The following SUPV3L1 variants were observed in gnomAD, a reference collection of about 807,000 sequenced individuals.
SUPV3L1 encodes Suv3 like RNA helicase.
A neutral mutation model predicts 70.0 loss-of-function variants in SUPV3L1; 35 were observed. The ratio of observed to expected loss-of-function variants is 0.50; its 90% CI spans 0.38 to 0.66. The LOEUF (loss-of-function observed/expected upper bound fraction) is 0.66, where lower values mean the gene tolerates loss of function less well. Ranked by LOEUF, SUPV3L1 falls within the 30% of genes least tolerant of loss-of-function variation. SUPV3L1 has a pLI of 0.00. For missense variants in SUPV3L1, 777 were observed against 961.5 expected, an observed-to-expected ratio of 0.81 and a Z score of 2.54; for synonymous variants, 364 against 341.9, an observed-to-expected ratio of 1.06 and a Z score of -0.71.
In SUPV3L1 at chr10:69,184,267, G is replaced by A. The variant is rs188830712; in HGVS notation, c.272-1720G>A. Among the ~76,000 whole-genome samples the A allele has an allele frequency of 3.5e-3, 529 of 152,158 alleles. 3 individuals are homozygous for A. The highest frequency in any genetic ancestry group is 0.012 in the African/African-American group (510 of 41,524). On this transcript the variant is annotated intron_variant, in intron 1 of 14. Coordinates refer to ENST00000359655, the MANE Select transcript of SUPV3L1 (RefSeq NM_003171.5). Reference sequence around the variant, plus strand: ...CTGTTGGCCAGGTGCAGTGGCTCACGCCTGTAATCCCAGCACTTTGGGAGG... The same window carrying A: ...CTGTTGGCCAGGTGCAGTGGCTCACACCTGTAATCCCAGCACTTTGGGAGG...
rs201283581 is a variant in SUPV3L1 at position 69,180,508 on chromosome 10, G to C, written c.217G>C (p.Gly73Arg). The C allele has an allele frequency of 6.2e-6, 10 of 1,614,124 alleles. No homozygotes were observed. Among genetic ancestry groups the C allele is most frequent in the Non-Finnish European group, 7.6e-6 (9 of 1,180,056 alleles). ...CGTGCCCCTGACTGTGAAACCTCAG[G>C]GCCCCAGCGCCGACGGCGACGTCGG... ...LFVPLTVKPQ[G>R]PSADGDVGAE... Residue 73 changes from glycine (G) to arginine (R), a missense_variant, in exon 1 of 15, where the codon GGC (glycine) becomes CGC (arginine). By Grantham distance (125) the Gly-to-Arg change is moderately radical (BLOSUM62 -2). This residue lies in a region of SUPV3L1 where 158 missense variants were observed against 138.3 expected (regional missense o/e 1.14). Coordinates refer to ENST00000359655, the MANE Select transcript of SUPV3L1 (RefSeq NM_003171.5).
chr10:69,195,311 G>A (rs377386986), intron 7 of SUPV3L1, 46 bp downstream of exon 7: 13 of 1,421,300 alleles, frequency 9.1e-6, no homozygotes, highest in Middle Eastern at 3.7e-4. Context: ...TGACATCTGC[G>A]CTGAGATGCA....
chr10:69,184,616 TACACACACACACAC>T lies in SUPV3L1; in HGVS notation c.272-1348_272-1335del, dbSNP rs59328806. ...ATCTGCCTGTGATCTGAAATATAAA[TACACACACACACAC>T]ACACACACACACACACACACACTGT... On this transcript the variant is annotated intron_variant, in intron 1 of 14. Coordinates refer to ENST00000359655, the MANE Select transcript of SUPV3L1 (RefSeq NM_003171.5). 1.6e-3 allele frequency among the ~76,000 whole-genome samples: 232 copies of T among 146,160 alleles called. 1 individual carries two copies. The highest frequency in any genetic ancestry group is 5.5e-3 in the African/African-American group (217 of 39,436).
chr10:69,191,838 G>C (rs1842407765), intron 6 of SUPV3L1, 72 bp downstream of exon 6: 2 of 1,156,408 alleles, frequency 1.7e-6, no homozygotes, highest in African/African-American at 3.1e-5. Context: ...ACAGAGTCTT[G>C]CTCTGTTGTC....
intron 11 of SUPV3L1, 94 bp from the exon 12 acceptor site, chr10:69,202,345 C>A: frequency 1.0e-6 from 1 of 1,004,878 alleles, no homozygotes; most frequent in Non-Finnish European, 1.5e-6. Context: ...AGAGCTTAGC[C>A]TGAATGGGAC....
chr10:69,200,526 T>G, intron 11 of SUPV3L1, 27 bp downstream of exon 11: 1 of 1,568,408 alleles, frequency 6.4e-7, no homozygotes, highest in South Asian at 1.1e-5. Context: ...TAACTACTGC[T>G]TCTCTGTGGA....
chr10:69,207,924 TCTTTA>T lies in SUPV3L1; in HGVS notation c.1912_1916del (p.Tyr638ValfsTer36). 6.2e-7 allele frequency: 1 copy of T among 1,613,966 alleles called. No individual in the cohort carries two copies. The highest frequency in any genetic ancestry group is 8.5e-7 in the Non-Finnish European group (1 of 1,179,956). The stretch of plus-strand genomic sequence containing the variant: ...TTGAAGCTGTCCACGATGTCTTGGA[TCTTTA>T]CTTGTGGCTAAGGTACCAACATTTT... On this transcript the variant is annotated frameshift_variant, in exon 14 of 15. Coordinates refer to ENST00000359655, the MANE Select transcript of SUPV3L1 (RefSeq NM_003171.5). LOFTEE classifies it low-confidence loss of function (END_TRUNC).
In SUPV3L1 at chr10:69,208,997, G is replaced by A. The variant is rs1303984857; in HGVS notation, c.2323G>A (p.Gly775Arg). The A allele has an allele frequency of 3.2e-6, 5 of 1,574,878 alleles. No individual in the cohort carries two copies. Among genetic ancestry groups the A allele is most frequent in the East Asian group, 2.3e-5 (1 of 44,340 alleles). ...EKTESGTHPK[G>R]TRRKKKEPDS... ...AACAGAGTCTGGGACTCATCCAAAA[G>A]GGACGAGAAGAAAGAAGAAGGAACC... The change falls in exon 15 of 15, where the codon GGG becomes AGG. Residue 775 changes from glycine (G) to arginine (R), a missense_variant. Gly to Arg is a moderately radical substitution (Grantham distance 125). Transcript: ENST00000359655.
At chr10:69,189,681 T>G (rs1280817912) in intron 5 of SUPV3L1, among the ~76,000 whole-genome samples, 1 of 144,468 alleles carries the variant, frequency 6.9e-6, no homozygotes, top group Non-Finnish European at 1.5e-5. Flanking sequence ...GAGTCTCGCT[T>G]TGTCACCCAG....
Position 69,208,614 on chromosome 10 carries a change from A to G in SUPV3L1, c.1940A>G (p.Asp647Gly). The G allele has an allele frequency of 1.9e-6, 3 of 1,611,774 alleles. No individual in the cohort carries two copies. Among genetic ancestry groups the G allele is most frequent in the Non-Finnish European group, 2.5e-6 (3 of 1,178,032 alleles). ...LYLWLSYRFM[D>G]MFPDASLIRD... ...CTTTTTCCCAGCTACCGATTTATGG[A>G]TATGTTTCCAGATGCCAGCCTTATT... The change falls in exon 15 of 15, where the codon GAT becomes GGT. Residue 647 changes from aspartate to glycine, a missense_variant. Physicochemically the swap from Asp to Gly is moderately conservative, Grantham distance 94. Coordinates refer to ENST00000359655, the MANE Select transcript of SUPV3L1 (RefSeq NM_003171.5).
At chr10:69,195,433 T>G (rs1489036596) in intron 7 of SUPV3L1, 168 bp downstream of exon 7, 3 of 420,906 alleles carry the variant, frequency 7.1e-6, no homozygotes, top group Non-Finnish European at 1.3e-5. Context: ...ATTTTAATAA[T>G]GGGAAATCTA....
At chr10:69,203,395 GGCT>G (rs1406839442) in intron 13 of SUPV3L1, among the ~76,000 whole-genome samples, 2 of 152,122 alleles carry the variant, frequency 1.3e-5, no homozygotes, top group East Asian at 3.9e-4. Flanking sequence ...CGGGTGCAGT[GGCT>G]CACGCCTGTA....
In SUPV3L1 at chr10:69,191,667, G is replaced by A. The variant is rs762128213; in HGVS notation, c.754G>A (p.Asp252Asn). Reference sequence around the variant, plus strand: ...TCTGTCTTTCTAGGGTGTGCCATGTGACTTGGTGACAGGTGAAGAGCGTGT... The same window carrying A: ...TCTGTCTTTCTAGGGTGTGCCATGTAACTTGGTGACAGGTGAAGAGCGTGT... ...EKSNAAGVPC[D>N]LVTGEERVTV... The change falls in exon 6 of 15, where the codon GAC becomes AAC. Residue 252 changes from aspartate (D) to asparagine (N), a missense_variant. Physicochemically the swap from Asp to Asn is conservative, Grantham distance 23. Coordinates refer to ENST00000359655, the MANE Select transcript of SUPV3L1 (RefSeq NM_003171.5). 12 of 1,613,858 alleles carry A rather than the reference G, an allele frequency of 7.4e-6. No individual in the cohort carries two copies. The highest frequency in any genetic ancestry group is 1.3e-5 in the African/African-American group (1 of 74,896).
chr10:69,186,020 A>T lies in SUPV3L1; in HGVS notation c.305A>T (p.Lys102Met), dbSNP rs1842217957. The part of the protein sequence containing the change: ...EVKKVLDKFY[K>M]RKEIQKLGAD... The stretch of plus-strand genomic sequence containing the variant: ...AAGAAGGTCTTAGACAAATTTTACA[A>T]GAGGAAAGAAATTCAGAAACTGGGT... Residue 102 changes from lysine to methionine, a missense_variant, in exon 2 of 15, where the codon AAG (lysine) becomes ATG (methionine). By Grantham distance (95) the Lys-to-Met change is moderately conservative (BLOSUM62 -1). Transcript: ENST00000359655. 6.2e-7 allele frequency: 1 copy of T among 1,613,940 alleles called. No homozygotes were observed. The highest frequency in any genetic ancestry group is 2.2e-5 in the East Asian group (1 of 44,882).
chr10:69,181,777 C>G (rs1019359678), intron 1 of SUPV3L1, among the ~76,000 whole-genome samples: 5 of 152,164 alleles, frequency 3.3e-5, no homozygotes, highest in African/African-American at 4.8e-5. Flanking sequence ...CATTAATCCA[C>G]TCACAAAGGC....
intron 5 of SUPV3L1, among the ~76,000 whole-genome samples, chr10:69,190,981 TTA>T (rs1206530174): frequency 7.1e-6 from 1 of 141,326 alleles, no homozygotes; most frequent in Non-Finnish European, 1.6e-5. Context: ...TCTCAGGGAA[TTA>T]TAATAGGAGG....
intron 11 of SUPV3L1, 151 bp downstream of exon 11, chr10:69,200,650 C>T: frequency 1.5e-6 from 1 of 646,092 alleles, no homozygotes; most frequent in Non-Finnish European, 2.6e-6. Flanking sequence ...TAAAAAAAGC[C>T]CTACTTTATT....
At position 69,207,801 on chromosome 10, in the gene SUPV3L1, G is replaced by A. The variant is rs769812492; in HGVS notation, c.1785G>A (p.Arg595=). 1.2e-6 allele frequency: 2 copies of A among 1,612,338 alleles called. No individual in the cohort carries two copies. Among genetic ancestry groups the A allele is most frequent in the Non-Finnish European group, 1.7e-6 (2 of 1,179,238 alleles). Residue 595 remains arginine (R), a synonymous_variant, in exon 14 of 15, where the codon AGG becomes AGA. Transcript: ENST00000359655. ...FVCSSLLQFA[R]QYSRNEPLTF... ...TCCTCTTTCTCTCTCAGTTTGCCAG[G>A]CAGTATAGCAGGAATGAGCCCCTGA...
chr10:69,186,837 G>GT (rs1842245617), intron 3 of SUPV3L1, among the ~76,000 whole-genome samples: 1 of 152,044 alleles, frequency 6.6e-6, no homozygotes, highest in African/African-American at 2.4e-5. Context: ...GATTCCATCT[G>GT]TTTTTGCCAC....
Sources: allele counts gnomAD v4.1 joint callset (sites outside exome capture counted in the v4.1 genomes callset), GRCh38; gene constraint gnomAD v4.1.1; regional missense constraint gnomAD v4.1.1; transcripts MANE v1.5; gene names NCBI Gene and HGNC (gene_info 2026-07-23, HGNC 2026-07-21).